Variants in ADD1 observed in about 807,000 individuals in gnomAD.
The protein encoded by ADD1 is adducin 1, also known as alpha-adducin.
In ADD1, 24 loss-of-function variants were observed where a neutral mutation model predicts 80.5. That is an observed-to-expected ratio of 0.30 (90% confidence interval 0.22 to 0.42). The LOEUF is 0.42. ADD1 is among the 10% of genes least tolerant of loss of function. The pLI is 1.00. For missense variants in ADD1, 948 were observed against 1,019.0 expected (o/e 0.93, Z 0.95); for synonymous variants, 373 against 393.8 (o/e 0.95, Z 0.63).
chr4:2,874,604 C>CA (rs576430508), intron 1 of ADD1, among the ~76,000 whole-genome samples: 1,748 of 97,868 alleles, frequency 0.018, 14 homozygotes, highest in African/African-American at 0.049. Context: ...GAGACTGTCT[C>CA]AAAAAAAAAA....
chr4:2,927,455 G>A lies in ADD1; in HGVS notation c.2048-716G>A, dbSNP rs78519268. On this transcript the variant is annotated intron_variant, in intron 15 of 15. Transcript: ENST00000683351. ...TTTTAAACACTAAACAGCTTGTGGT[G>A]CCTAACCTGTCAGTTGCTGGTAACT... is the stretch of plus-strand genomic sequence containing the variant. 2.8e-3 allele frequency among the ~76,000 whole-genome samples: 421 copies of A among 152,354 alleles called. 5 individuals carry two copies. Among genetic ancestry groups the A allele is most frequent in the African/African-American group, 9.8e-3 (406 of 41,576 alleles).
Position 2,876,083 on chromosome 4 carries a change from G to A in ADD1, c.168G>A (p.Lys56=), listed in dbSNP as rs553213156. 6.2e-7 allele frequency: 1 copy of A among 1,613,920 alleles called. No individual in the cohort carries two copies. Among genetic ancestry groups the A allele is most frequent in the African/African-American group, 1.3e-5 (1 of 75,026 alleles). ...ACTTCAACATGATGGAGCAAAAGAA[G>A]AGGGTGTCCATGATTCTGCAAAGCC... The part of the protein sequence containing the change: ...RQDFNMMEQK[K]RVSMILQSPA... The change falls in exon 2 of 16, where the codon AAG becomes AAA. Residue 56 remains lysine, a synonymous_variant. Coordinates refer to ENST00000683351, the MANE Select transcript of ADD1 (RefSeq NM_001354761.2).
intron 1 of ADD1, among the ~76,000 whole-genome samples, chr4:2,854,540 G>A (rs936967664): frequency 6.6e-6 from 1 of 151,988 alleles, no homozygotes; most frequent in Non-Finnish European, 1.5e-5. Flanking sequence ...AGCAATTTTT[G>A]GTTCATATAT....
intron 4 of ADD1, among the ~76,000 whole-genome samples, chr4:2,888,190 G>C (rs1733703391): frequency 1.3e-5 from 2 of 151,442 alleles, no homozygotes; most frequent in Admixed American, 6.6e-5. Flanking sequence ...CTCCCAAGTA[G>C]CAGGAACAGG....
At chr4:2,848,574 T>C (rs1455261577) in intron 1 of ADD1, among the ~76,000 whole-genome samples, 1 of 152,178 alleles carries the variant, frequency 6.6e-6, no homozygotes, top group Non-Finnish European at 1.5e-5. Flanking sequence ...GCTTAAGCCA[T>C]TCTCCCACCT....
Position 2,895,650 on chromosome 4 carries a change from T to G in ADD1, c.741+919T>G, listed in dbSNP as rs538020812. Among the ~76,000 whole-genome samples the G allele has an allele frequency of 2.0e-5, 3 of 152,214 alleles. No homozygotes were observed. The East Asian group carries it at 5.8e-4, about 29-fold the overall frequency. On this transcript the variant is annotated intron_variant, in intron 6 of 15. Coordinates refer to ENST00000683351, the MANE Select transcript of ADD1 (RefSeq NM_001354761.2). ...GTGCAGGCTGTTACGAGGCTTAGCT[T>G]CCAAGCTGCTCAGGAACCCTCCTCC...
chr4:2,850,132 A>G (rs895201228), intron 1 of ADD1, among the ~76,000 whole-genome samples: 1 of 152,268 alleles, frequency 6.6e-6, no homozygotes, highest in Non-Finnish European at 1.5e-5. Flanking sequence ...AGTTGGCAAT[A>G]GAAAGGATTG....
At chr4:2,873,420 C>G (rs1265314903) in intron 1 of ADD1, among the ~76,000 whole-genome samples, 2 of 152,198 alleles carry the variant, frequency 1.3e-5, no homozygotes, top group South Asian at 2.1e-4. Context: ...TTACTGGGCT[C>G]AGAATGTGTA....
intron 1 of ADD1, among the ~76,000 whole-genome samples, chr4:2,852,240 T>TTTCTTTCC (rs1727334160): frequency 7.9e-6 from 1 of 125,808 alleles, no homozygotes; most frequent in Admixed American, 8.3e-5. Context: ...CCTTTCTTTC[T>TTTCTTTCC]TTCTTTCTCT....
chr4:2,898,867 A>T, intron 8 of ADD1: 1 of 389,024 alleles, frequency 2.6e-6, no homozygotes, highest in East Asian at 5.5e-5. Context: ...TACTCTTTGA[A>T]AAAGCAGGTA....
rs771410075 is a variant in ADD1, at chr4:2,926,688, C to A, written c.2047+576C>A. 6.2e-7 allele frequency: 1 copy of A among 1,612,818 alleles called. No individual in the cohort carries two copies. ...ACCTGTTACCCTAGTAAGTACCGTG[C>A]TGCCTCCGCTCTCCACCGGTGCCCT... On this transcript the variant is annotated intron_variant, in intron 15 of 15. Transcript: ENST00000683351. This position sits in a 1 kb window ranked among gnomAD's most constrained non-coding sequence, Gnocchi z 5.0.
intron 4 of ADD1, among the ~76,000 whole-genome samples, chr4:2,891,481 A>T (rs138463130): frequency 1.1e-3 from 164 of 152,184 alleles, no homozygotes; most frequent in Admixed American, 3.5e-3. Flanking sequence ...GAGCTGACTT[A>T]AGGAAATAGA....
rs187769813 is a variant in ADD1 at position 2,923,243 on chromosome 4, C to T, written c.1949-2771C>T. ...GCCGAAACGGCTGCCCAGTTTTGTG[C>T]TTGAAACCCAGGGTCCTGGTGTCAT... On this transcript the variant is annotated intron_variant, in intron 14 of 15. Transcript: ENST00000683351. 4.1e-3 allele frequency among the ~76,000 whole-genome samples: 621 copies of T among 152,356 alleles called. 2 individuals carry two copies. The highest frequency in any genetic ancestry group is 8.6e-3 in the African/African-American group (356 of 41,586).
chr4:2,891,124 T>TA (rs373441690), intron 4 of ADD1, among the ~76,000 whole-genome samples: 88 of 145,456 alleles, frequency 6.0e-4, no homozygotes, highest in Non-Finnish European at 7.7e-4. Flanking sequence ...GTCTCTATTT[T>TA]AAAAAAAAAA....
At chr4:2,858,573 C>T (rs757759815) in intron 1 of ADD1, among the ~76,000 whole-genome samples, 1 of 152,218 alleles carries the variant, frequency 6.6e-6, no homozygotes, top group African/African-American at 2.4e-5. Context: ...CTTTTCTGCA[C>T]TAGTGATACC....
chr4:2,890,920 C>A (rs2108987117), intron 4 of ADD1, among the ~76,000 whole-genome samples: 1 of 152,084 alleles, frequency 6.6e-6, no homozygotes, highest in South Asian at 2.1e-4. Flanking sequence ...ACACAGATCC[C>A]TTGTTTTATG....
rs764690329 is a variant in ADD1 at position 2,914,936 on chromosome 4, A to G, written c.1844A>G (p.His615Arg). ...ATCATTGAAAAGGAGTACCAGCCCCACGTCATTGTGAGCACCACGGGCCCC... is the reference window on the plus strand; with the variant it reads ...ATCATTGAAAAGGAGTACCAGCCCCGCGTCATTGTGAGCACCACGGGCCCC... ...KAIIEKEYQP[H>R]VIVSTTGPNP... is the part of the protein sequence containing the mutation. Residue 615 changes from histidine (H) to arginine (R), a missense_variant, in exon 14 of 16, where the codon CAC becomes CGC. His to Arg is a conservative substitution (Grantham distance 29). Coordinates refer to ENST00000683351, the MANE Select transcript of ADD1 (RefSeq NM_001354761.2). 6.2e-7 allele frequency: 1 copy of G among 1,614,050 alleles called. No homozygotes were observed. The highest frequency in any genetic ancestry group is 1.7e-5 in the Admixed American group (1 of 60,012).
intron 1 of ADD1, among the ~76,000 whole-genome samples, chr4:2,870,125 T>G (rs1274750560): frequency 1.3e-5 from 2 of 152,240 alleles, no homozygotes; most frequent in Admixed American, 1.3e-4. Flanking sequence ...TTAGCAAAGA[T>G]GTCTGTGCCA....
At chr4:2,913,948 A>G (rs1368646763) in intron 13 of ADD1, among the ~76,000 whole-genome samples, 1 of 150,826 alleles carries the variant, frequency 6.6e-6, no homozygotes, top group Non-Finnish European at 1.5e-5. Context: ...AGTCCCAGCT[A>G]CTCGGGAGGC....
Sources: gnomAD v4.1 joint callset for allele counts (sites outside exome capture counted in the v4.1 genomes callset) on GRCh38, gnomAD v4.1.1 for gene constraint, Gnocchi (gnomAD v3.1) non-coding constraint, MANE v1.5 for transcripts, NCBI Gene and HGNC (gene_info 2026-07-23, HGNC 2026-07-21) for gene names.